EPB41L4A: variants seen among roughly 807,000 people sequenced by gnomAD.
The protein encoded by EPB41L4A is band 4.1-like protein 4A.
EPB41L4A carries 100 observed loss-of-function variants against 108.6 expected under a neutral mutation model. The observed-to-expected ratio is 0.92, with a 90% CI of 0.78 to 1.09. The LOEUF (loss-of-function observed/expected upper bound fraction) is 1.09, where lower values mean the gene tolerates loss of function less well. Ranked by LOEUF, EPB41L4A falls within the 50% of genes least tolerant of loss-of-function variation. The pLI, the probability that EPB41L4A is intolerant of heterozygous loss-of-function variation, is 0.00. For missense variants in EPB41L4A, 1,030 were observed against 842.7 expected (o/e 1.22, Z -2.75); for synonymous variants, 319 against 289.0 (o/e 1.10, Z -1.05).
chr5:112,146,776 C>G (rs1339133246), intron 12 of EPB41L4A, among the ~76,000 whole-genome samples: 1 of 152,164 alleles, frequency 6.6e-6, no homozygotes, highest in Non-Finnish European at 1.5e-5. Flanking sequence ...GAAGCACCAG[C>G]TTTATCCTCC....
In EPB41L4A at chr5:112,331,713, C is replaced by T. The variant is rs142716601; in HGVS notation, c.100-24223G>A. ...GTATAAGCAGGATGCAGGATCTTCG[C>T]AAGTCCAGCTGATGGAGTTGGGAGG... On this transcript the variant is annotated intron_variant, in intron 1 of 22. Transcript: ENST00000261486. 2.7e-3 allele frequency among the ~76,000 whole-genome samples: 409 copies of T among 152,290 alleles called. 1 individual carries two copies. Among genetic ancestry groups the T allele is most frequent in the African/African-American group, 9.6e-3 (397 of 41,546 alleles).
intron 18 of EPB41L4A, among the ~76,000 whole-genome samples, chr5:112,181,830 T>C (rs186457050): frequency 4.7e-4 from 72 of 152,254 alleles, no homozygotes; most frequent in Non-Finnish European, 8.8e-5. Context: ...CTCAGCACTT[T>C]GGGAGGCTGA....
At chr5:112,351,392 C>G (rs1022470553) in intron 1 of EPB41L4A, among the ~76,000 whole-genome samples, 2 of 152,106 alleles carry the variant, frequency 1.3e-5, no homozygotes, top group African/African-American at 2.4e-5. Context: ...TTCCTGGACA[C>G]GTACAACCCC....
At chr5:112,178,936 A>G (rs1454914913) in intron 18 of EPB41L4A, among the ~76,000 whole-genome samples, 1 of 151,926 alleles carries the variant, frequency 6.6e-6, no homozygotes, top group African/African-American at 2.4e-5. Context: ...AGAAAAAGCA[A>G]CAAAATCTAA....
intron 18 of EPB41L4A, among the ~76,000 whole-genome samples, chr5:112,171,846 C>T (rs1014117629): frequency 3.3e-5 from 5 of 151,920 alleles, no homozygotes; most frequent in African/African-American, 1.2e-4. Flanking sequence ...AGTAATAGGC[C>T]AAAAGAAAGA....
At chr5:112,205,027 T>C (rs1762405185) in intron 14 of EPB41L4A, among the ~76,000 whole-genome samples, 1 of 152,180 alleles carries the variant, frequency 6.6e-6, no homozygotes, top group South Asian at 2.1e-4. Context: ...ACTAGACATA[T>C]CCATATTTTT....
chr5:112,353,061 T>G (rs988091402), intron 1 of EPB41L4A, among the ~76,000 whole-genome samples: 2 of 152,214 alleles, frequency 1.3e-5, no homozygotes, highest in Non-Finnish European at 2.9e-5. Context: ...TACAGCAGTG[T>G]AGTGCCCATA....
intron 1 of EPB41L4A, among the ~76,000 whole-genome samples, chr5:112,350,612 C>T (rs1374553002): frequency 6.6e-6 from 1 of 152,178 alleles, no homozygotes; most frequent in African/African-American, 2.4e-5. Context: ...ATTAACCTAT[C>T]TCTCTTCATT....
At chr5:112,284,485 A>G (rs1465135951) in intron 2 of EPB41L4A, among the ~76,000 whole-genome samples, 1 of 152,082 alleles carries the variant, frequency 6.6e-6, no homozygotes, top group Non-Finnish European at 1.5e-5. Context: ...TCAACATTCA[A>G]GCTGTCCATT....
intron 1 of EPB41L4A, among the ~76,000 whole-genome samples, chr5:112,380,137 A>T (rs1440751358): frequency 6.6e-6 from 1 of 152,170 alleles, no homozygotes; most frequent in African/African-American, 2.4e-5. Flanking sequence ...CAGCTGCAGG[A>T]GTGAGGGACC....
downstream of EPB41L4A, among the ~76,000 whole-genome samples, chr5:112,157,737 T>C (rs1448732593): frequency 2.6e-5 from 4 of 152,340 alleles, no homozygotes; most frequent in African/African-American, 9.6e-5. Context: ...ATTAATCACA[T>C]ATGCAAAGCC....
At chr5:112,327,659 A>G (rs1346807708) in intron 1 of EPB41L4A, among the ~76,000 whole-genome samples, 1 of 152,180 alleles carries the variant, frequency 6.6e-6, no homozygotes, top group Non-Finnish European at 1.5e-5. Context: ...TTGAGGCTGC[A>G]GTGAGCTATG....
At position 112,341,841 on chromosome 5, in the gene EPB41L4A, T is replaced by C. The variant is rs988774725; in HGVS notation, c.100-34351A>G. ...TACGTCTTGAATAACACTCTAAACA[T>C]AGAGCCCTGTATCAAAAAGAAAAAT... On this transcript the variant is annotated intron_variant, in intron 1 of 22. Transcript: ENST00000261486. Among the ~76,000 whole-genome samples the C allele has an allele frequency of 8.5e-5, 13 of 152,130 alleles. 1 individual carries two copies. Among genetic ancestry groups the C allele is most frequent in the Admixed American group, 8.5e-4 (13 of 15,268 alleles).
chr5:112,350,004 G>C (rs1220690171), intron 1 of EPB41L4A, among the ~76,000 whole-genome samples: 3 of 152,204 alleles, frequency 2.0e-5, no homozygotes, highest in Non-Finnish European at 4.4e-5. Flanking sequence ...GCATGGTGTA[G>C]AACAGCATTG....
At position 112,300,047 on chromosome 5, in the gene EPB41L4A, G is replaced by A. The variant is rs148465847; in HGVS notation, c.204+7339C>T. ...AGTTTATGTGAGTCCTTATATGTTA[G>A]GTGAGTCTCTTGAAGGCAGCAGATA... On this transcript the variant is annotated intron_variant, in intron 2 of 22. Coordinates refer to ENST00000261486, the MANE Select transcript of EPB41L4A (RefSeq NM_022140.5). Among the ~76,000 whole-genome samples the A allele has an allele frequency of 8.9e-3, 1,347 of 152,144 alleles. 29 individuals carry two copies. The highest frequency in any genetic ancestry group is 0.054 in the South Asian group (262 of 4,814).
At chr5:112,305,579 T>C (rs1754636180) in intron 2 of EPB41L4A, among the ~76,000 whole-genome samples, 1 of 152,200 alleles carries the variant, frequency 6.6e-6, no homozygotes, top group African/African-American at 2.4e-5. Flanking sequence ...GGATTGCTTC[T>C]AATATACTTT....
At chr5:112,167,444 C>T (rs1256637743) in intron 22 of EPB41L4A, among the ~76,000 whole-genome samples, 1 of 152,164 alleles carries the variant, frequency 6.6e-6, no homozygotes, top group Non-Finnish European at 1.5e-5. Context: ...CCATGCAGAT[C>T]GCCATTCTAG....
At position 112,275,517 on chromosome 5, in the gene EPB41L4A, G is replaced by T. The variant is rs1235548312; in HGVS notation, c.257-113C>A. On this transcript the variant is annotated intron_variant, in intron 3 of 22. Transcript: ENST00000261486. Reference sequence around the variant, plus strand: ...ACTCCAAGATTGTCTAAAGAAACAAGAAAACATAAGATAAAAACAGCAAGG... The same window carrying T: ...ACTCCAAGATTGTCTAAAGAAACAATAAAACATAAGATAAAAACAGCAAGG... 9.6e-6 allele frequency: 12 copies of T among 1,244,048 alleles called. No homozygotes were observed. In the Admixed American group the frequency reaches 1.6e-4, roughly 17 times the overall value. The allele number at this position is 1,244,048 out of a possible 1,614,324, so 77.1% of individuals were successfully genotyped here. A position where few individuals can be genotyped will look rare whatever the true frequency, so the allele number is the denominator to read the frequency against.
At chr5:112,339,705 T>C (rs1311375897) in intron 1 of EPB41L4A, among the ~76,000 whole-genome samples, 2 of 151,784 alleles carry the variant, frequency 1.3e-5, no homozygotes, top group Admixed American at 6.6e-5. Context: ...AGTTAATGTT[T>C]TTGTATTTTT....
Sources: gnomAD v4.1 joint callset for allele counts (sites outside exome capture counted in the v4.1 genomes callset) on GRCh38, gnomAD v4.1.1 for gene constraint, MANE v1.5 for transcripts, NCBI Gene and HGNC (gene_info 2026-07-23, HGNC 2026-07-21) for gene names.